Variants in SEC31B observed in about 807,000 individuals in gnomAD.
SEC31B encodes protein transport protein Sec31B.
A neutral mutation model predicts 135.0 loss-of-function variants in SEC31B; 113 were observed. The ratio of observed to expected loss-of-function variants is 0.84; its 90% CI spans 0.72 to 0.98. The LOEUF is 0.98. Ranked by LOEUF, SEC31B falls within the 50% of genes least tolerant of loss-of-function variation. The probability of loss-of-function intolerance (pLI) is 0.00; values close to 1 mark genes in which losing one functional copy is unlikely to be tolerated. For missense variants in SEC31B, 1,296 were observed against 1,421.1 expected, an observed-to-expected ratio of 0.91 and a Z score of 1.42; for synonymous variants, 508 against 549.4, an observed-to-expected ratio of 0.92 and a Z score of 1.05.
At position 100,487,387 on chromosome 10, in the gene SEC31B, C is replaced by T; in HGVS notation, c.*229G>A. 2 of 553,746 alleles carry T rather than the reference C, an allele frequency of 3.6e-6. No homozygotes were observed. Among genetic ancestry groups the T allele is most frequent in the Non-Finnish European group, 6.5e-6 (2 of 309,680 alleles). 34.3% of individuals were successfully genotyped at this position (553,746 alleles called of 1,614,324 possible). On this transcript the variant is annotated 3_prime_UTR_variant, in exon 26 of 26. Transcript: ENST00000370345. ...GGGAGAGTGAAGAACTGATTCTATG[C>T]CCTGCCTCCAGGCCTGAGAGTGTCT...
chr10:100,502,968 G>C (rs1851551175), intron 10 of SEC31B, among the ~76,000 whole-genome samples: 1 of 151,918 alleles, frequency 6.6e-6, no homozygotes, highest in African/African-American at 2.4e-5. Context: ...TCCCTCTATT[G>C]CTTGTACCAA....
At chr10:100,489,587 G>A in intron 22 of SEC31B, 116 bp downstream of exon 22, 1 of 1,478,586 alleles carries the variant, frequency 6.8e-7, no homozygotes, top group Non-Finnish European at 9.3e-7. Context: ...AGAAGAGTAA[G>A]TGGGAGGAGG....
chr10:100,500,516 A>G (rs1851501499), intron 11 of SEC31B, among the ~76,000 whole-genome samples: 1 of 151,922 alleles, frequency 6.6e-6, no homozygotes, highest in African/African-American at 2.4e-5. Flanking sequence ...GGGTTTCACC[A>G]TGTTGGCCAG....
rs1371903311 is a variant in SEC31B, at chr10:100,516,129, A to G, written c.170T>C (p.Leu57Ser). The G allele has an allele frequency of 6.2e-7, 1 of 1,614,102 alleles. No homozygotes were observed. The highest frequency in any genetic ancestry group is 1.7e-5 in the Admixed American group (1 of 60,000). ...EVDFRDPSLDLKHRGVLSALS... is the reference protein window; with the variant it reads ...EVDFRDPSLDSKHRGVLSALS... The stretch of plus-strand genomic sequence containing the variant: ...GGCAGAAAGGACTCCTCTGTGTTTC[A>G]AGTCCAGAGAAGGGTCCCTGAAATC... The change falls in exon 3 of 26, where the codon TTG becomes TCG. Residue 57 changes from leucine to serine, a missense_variant. By Grantham distance (145) the Leu-to-Ser change is moderately radical. Transcript: ENST00000370345.
rs146246508 is a variant in SEC31B at position 100,489,347 on chromosome 10, G to A, written c.3076C>T (p.Leu1026Phe). The A allele has an allele frequency of 1.3e-5, 21 of 1,613,828 alleles. No individual in the cohort carries two copies. In the African/African-American group the frequency reaches 2.8e-4, roughly 22 times the overall value. Residue 1026 changes from leucine to phenylalanine, a missense_variant, in exon 23 of 26, where the codon CTC (leucine) becomes TTC (phenylalanine). Coordinates refer to ENST00000370345, the MANE Select transcript of SEC31B (RefSeq NM_015490.4). ...AGAATCCCTTGTAGCTCAGGGGTGA[G>A]GCTCATAACTGGAGCAGTAATTGGT... ...PAPITAPVMS[L>F]TPELQGILPS...
intron 19 of SEC31B, among the ~76,000 whole-genome samples, chr10:100,491,491 C>T (rs1045503391): frequency 6.6e-6 from 1 of 152,122 alleles, no homozygotes. Context: ...ACACAAAAAT[C>T]CTCAACAAAA....
intron 7 of SEC31B, among the ~76,000 whole-genome samples, chr10:100,506,978 A>ACC (rs1851644412): frequency 6.6e-6 from 1 of 151,932 alleles, no homozygotes; most frequent in Admixed American, 6.5e-5. Flanking sequence ...AAATAAAGGT[A>ACC]CCCAAGGAGA....
intron 25 of SEC31B, 80 bp downstream of exon 25, chr10:100,487,947 A>G: frequency 6.5e-7 from 1 of 1,540,934 alleles, no homozygotes; most frequent in Non-Finnish European, 9.0e-7. Context: ...ACCTATGGGA[A>G]GAAAAGACAC....
chr10:100,506,921 C>T lies in SEC31B; in HGVS notation c.783-501G>A, dbSNP rs115430177. Among the ~76,000 whole-genome samples the T allele has an allele frequency of 7.3e-3, 1,113 of 152,216 alleles. 12 individuals are homozygous for T. The highest frequency in any genetic ancestry group is 0.024 in the African/African-American group (989 of 41,522). On this transcript the variant is annotated intron_variant, in intron 7 of 25. Transcript: ENST00000370345. ...TCGAGGTCACAGTGAGCCTTGATCA[C>T]GCTACTGCACTCCAGCCTGGGTGAC...
At chr10:100,505,200 T>G (rs1851602513) in intron 10 of SEC31B, among the ~76,000 whole-genome samples, 161 bp downstream of exon 10, 1 of 152,102 alleles carries the variant, frequency 6.6e-6, no homozygotes, top group Non-Finnish European at 1.5e-5. Context: ...AGTAACTCTC[T>G]CCTTGAGAGG....
At chr10:100,499,025 G>C in intron 13 of SEC31B, 135 bp downstream of exon 13, 3 of 743,942 alleles carry the variant, frequency 4.0e-6, no homozygotes, top group South Asian at 1.7e-5. Context: ...GGTTCTAAGA[G>C]AGTGAGGAGT....
intron 2 of SEC31B, among the ~76,000 whole-genome samples, chr10:100,516,585 C>A (rs900437180): frequency 7.1e-6 from 1 of 141,364 alleles, no homozygotes; most frequent in African/African-American, 2.6e-5. Flanking sequence ...GGAGGCGGAG[C>A]TTGCAGTGAG....
At chr10:100,489,610 T>G in intron 22 of SEC31B, 93 bp downstream of exon 22, 1 of 1,574,484 alleles carries the variant, frequency 6.4e-7, no homozygotes, top group Non-Finnish European at 8.7e-7. Flanking sequence ...GGGGACAGTC[T>G]GAGAAGGGGA....
intron 1 of SEC31B, among the ~76,000 whole-genome samples, chr10:100,517,675 C>T (rs1245825360): frequency 1.3e-5 from 2 of 152,150 alleles, no homozygotes; most frequent in Non-Finnish European, 2.9e-5. Context: ...GGAGGGAACT[C>T]CCATTTTAGT....
Position 100,488,214 on chromosome 10 carries a change from C to T in SEC31B, c.3289-116G>A, listed in dbSNP as rs911108270. Reference sequence around the variant, plus strand: ...GTGGCTCACGCCTGTAATCCCAGCACCTTGGGAGGCCAAGGCGGGTGGATC... The same window carrying T: ...GTGGCTCACGCCTGTAATCCCAGCATCTTGGGAGGCCAAGGCGGGTGGATC... On this transcript the variant is annotated intron_variant, in intron 24 of 25. Coordinates refer to ENST00000370345, the MANE Select transcript of SEC31B (RefSeq NM_015490.4). 1.1e-4 allele frequency: 100 copies of T among 874,074 alleles called. No homozygotes were observed. In the East Asian group the frequency reaches 2.5e-3, roughly 22 times the overall value. The allele number at this position is 874,074 out of a possible 1,614,324, so 54.1% of individuals were successfully genotyped here.
rs144968144 is a variant in SEC31B at position 100,496,380 on chromosome 10, C to T, written c.2188G>A (p.Gly730Ser). 1.9e-6 allele frequency: 3 copies of T among 1,614,170 alleles called. No individual in the cohort carries two copies. The highest frequency in any genetic ancestry group is 2.5e-6 in the Non-Finnish European group (3 of 1,180,022). Residue 730 changes from glycine (G) to serine (S), a missense_variant, in exon 18 of 26, where the codon GGT (glycine) becomes AGT (serine). Coordinates refer to ENST00000370345, the MANE Select transcript of SEC31B (RefSeq NM_015490.4). ...GGGCCTGGGCTCACCCCATGAGGAC[C>T]CCGCAGTTGCTCCAAGCTCCTGTTA... is the stretch of plus-strand genomic sequence containing the variant. ...VLNRSLEQLR[G>S]PHGVSPGPAT...
intron 19 of SEC31B, among the ~76,000 whole-genome samples, chr10:100,491,617 A>C (rs954420723): frequency 8.5e-5 from 13 of 152,250 alleles, no homozygotes; most frequent in African/African-American, 3.1e-4. Context: ...TTAATCCCCT[A>C]TACCAACAAA....
At chr10:100,508,481 GAAGA>G (rs1312971020) in intron 5 of SEC31B, 3 of 465,408 alleles carry the variant, frequency 6.4e-6, no homozygotes, top group East Asian at 1.4e-4. Context: ...TGTAAGCACA[GAAGA>G]AAGAGAAAAG....
At chr10:100,489,908 C>T (rs981675919) in intron 21 of SEC31B, 100 bp downstream of exon 21, 10 of 1,541,142 alleles carry the variant, frequency 6.5e-6, no homozygotes, top group Non-Finnish European at 7.0e-6. Context: ...CTCCACCCAA[C>T]AGGGCCCTAG....
Sources: gnomAD v4.1 joint callset for allele counts (sites outside exome capture counted in the v4.1 genomes callset) on GRCh38, gnomAD v4.1.1 for gene constraint, MANE v1.5 for transcripts, NCBI Gene and HGNC (gene_info 2026-07-23, HGNC 2026-07-21) for gene names.